The following SH3PXD2A variants were observed in gnomAD, a reference collection of about 807,000 sequenced individuals.
The protein encoded by SH3PXD2A is SH3 and PX domains 2A.
SH3PXD2A carries 32 observed loss-of-function variants against 115.2 expected under a neutral mutation model. The observed-to-expected ratio is 0.28, with a 90% CI of 0.21 to 0.37. The LOEUF (loss-of-function observed/expected upper bound fraction) is 0.37, where lower values mean the gene tolerates loss of function less well. Among genes scored for constraint, SH3PXD2A ranks in the 10% least tolerant of loss-of-function variants. The pLI is 1.00. For synonymous variants in SH3PXD2A, 610 were observed against 629.1 expected (o/e 0.97, Z 0.45); for missense variants, 1,328 against 1,498.7 (o/e 0.89, Z 1.88).
At chr10:103,741,669 C>G (rs1244254296) in intron 3 of SH3PXD2A, among the ~76,000 whole-genome samples, 3 of 152,178 alleles carry the variant, frequency 2.0e-5, no homozygotes, top group Admixed American at 1.3e-4. Flanking sequence ...GGGAGACTTG[C>G]CTAAGAAACA....
chr10:103,806,366 T>C (rs907101279), intron 1 of SH3PXD2A, among the ~76,000 whole-genome samples: 3 of 151,828 alleles, frequency 2.0e-5, no homozygotes, highest in Non-Finnish European at 4.4e-5. Flanking sequence ...AGGCGGGTGA[T>C]GGACACACAA....
rs2038959386 is a variant in SH3PXD2A at position 103,784,209 on chromosome 10, C to T, written c.154-17040G>A. 6.6e-6 allele frequency among the ~76,000 whole-genome samples: 1 copy of T among 152,190 alleles called. No individual in the cohort carries two copies. Among genetic ancestry groups the T allele is most frequent in the Non-Finnish European group, 1.5e-5 (1 of 68,028 alleles). Reference sequence around the variant, plus strand: ...GCTGGGGCACCTGTGTGCAGGCCTGCCCTTTTCCAGGTCCCGCCCTCCCTG... The same window carrying T: ...GCTGGGGCACCTGTGTGCAGGCCTGTCCTTTTCCAGGTCCCGCCCTCCCTG... On this transcript the variant is annotated intron_variant, in intron 2 of 14. Coordinates refer to ENST00000369774, the MANE Select transcript of SH3PXD2A (RefSeq NM_001394015.1). This position sits in a 1 kb window ranked among gnomAD's most constrained non-coding sequence, Gnocchi z 4.4.
At position 103,649,006 on chromosome 10, in the gene SH3PXD2A, A is replaced by G. The variant is rs963311480; in HGVS notation, c.604+11977T>C. On this transcript the variant is annotated intron_variant, in intron 8 of 14. Coordinates refer to ENST00000369774, the MANE Select transcript of SH3PXD2A (RefSeq NM_001394015.1). ...CACGATCCCTGTGATCATCATTACA[A>G]ACCCAAAGACGTTTGTAGCCAGTGA... Among the ~76,000 whole-genome samples the G allele has an allele frequency of 1.1e-4, 16 of 152,308 alleles. No individual in the cohort carries two copies. The South Asian group carries it at 2.5e-3, about 24-fold the overall frequency.
At chr10:103,716,509 A>G (rs1038986103) in intron 5 of SH3PXD2A, among the ~76,000 whole-genome samples, 7 of 152,198 alleles carry the variant, frequency 4.6e-5, no homozygotes, top group Non-Finnish European at 7.3e-5. Context: ...CAATGTCAAG[A>G]ATTTAACCAG....
Position 103,770,543 on chromosome 10 carries a change from G to C in SH3PXD2A, c.154-3374C>G, listed in dbSNP as rs529568695. 1.1e-4 allele frequency among the ~76,000 whole-genome samples: 17 copies of C among 152,268 alleles called. 1 individual carries two copies. The highest frequency in any genetic ancestry group is 1.0e-3 in the South Asian group (5 of 4,812). On this transcript the variant is annotated intron_variant, in intron 2 of 14. Coordinates refer to ENST00000369774, the MANE Select transcript of SH3PXD2A (RefSeq NM_001394015.1). Reference sequence around the variant, plus strand: ...TCAGGACACAGAATTTCAATGTCTGGATATTGCCAGCTACAAGTGCCACAC... The same window carrying C: ...TCAGGACACAGAATTTCAATGTCTGCATATTGCCAGCTACAAGTGCCACAC...
chr10:103,605,178 G>A (rs1163278845), intron 14 of SH3PXD2A, among the ~76,000 whole-genome samples: 1 of 152,176 alleles, frequency 6.6e-6, no homozygotes, highest in African/African-American at 2.4e-5. Context: ...CTTAAAGTTG[G>A]GGGTGGCGGG....
At chr10:103,633,727 C>CAAAAAAAAAAAAAAAAAAA (rs35917262) in intron 8 of SH3PXD2A, among the ~76,000 whole-genome samples, 1 of 74,320 alleles carries the variant, frequency 1.3e-5, no homozygotes, top group African/African-American at 5.2e-5. Flanking sequence ...GATTCTGTCT[C>CAAAAAAAAAAAAAAAAAAA]AAAAAAAAAA....
chr10:103,705,666 C>G (rs912469653), intron 5 of SH3PXD2A, among the ~76,000 whole-genome samples: 2 of 152,180 alleles, frequency 1.3e-5, no homozygotes, highest in East Asian at 3.8e-4. Flanking sequence ...AAATCCTAAC[C>G]ACCACACTGT....
chr10:103,608,430 GAAAAA>G (rs953168200), intron 13 of SH3PXD2A, among the ~76,000 whole-genome samples: 10 of 85,326 alleles, frequency 1.2e-4, no homozygotes, highest in East Asian at 3.1e-4. Context: ...TCCATGTCAA[GAAAAA>G]AAAAAAAAAA....
In SH3PXD2A at chr10:103,699,308, G is replaced by A. The variant is rs115055962; in HGVS notation, c.399-6252C>T. 2.4e-3 allele frequency among the ~76,000 whole-genome samples: 371 copies of A among 152,282 alleles called. 4 individuals are homozygous for A. The highest frequency in any genetic ancestry group is 8.2e-3 in the African/African-American group (341 of 41,546). On this transcript the variant is annotated intron_variant, in intron 5 of 14. Coordinates refer to ENST00000369774, the MANE Select transcript of SH3PXD2A (RefSeq NM_001394015.1). ...ATGGTCCCAATGAGCATTTTAAGAA[G>A]AACAGACTAGAAATGATCAGCGAGT...
intron 13 of SH3PXD2A, among the ~76,000 whole-genome samples, chr10:103,608,150 T>TAAAAAAAAAAAAAAAAAAGTTTAAA (rs1554903068): frequency 2.1e-4 from 7 of 32,640 alleles, no homozygotes; most frequent in East Asian, 3.0e-3. Flanking sequence ...ATGATCAATT[T>TAAAAAAAAAAAAAAAAAAGTTTAAA]AAAAAAAAAA....
intron 8 of SH3PXD2A, among the ~76,000 whole-genome samples, chr10:103,658,396 G>C (rs1211611685): frequency 1.3e-5 from 2 of 152,240 alleles, no homozygotes; most frequent in Non-Finnish European, 2.9e-5. Context: ...CAAGGTCAAA[G>C]GCTTCACAAT....
rs2134068179 is a variant in SH3PXD2A, at chr10:103,665,239, G to C, written c.472+3369C>G. Among the ~76,000 whole-genome samples the C allele has an allele frequency of 6.6e-6, 1 of 152,282 alleles. No homozygotes were observed. ...AGGAGAAAGAAGCCCCAGCTTTGTG[G>C]CCAGAAGATGCCTGGAGGACGAGCA... On this transcript the variant is annotated intron_variant, in intron 7 of 14. Transcript: ENST00000369774. The surrounding 1 kb of genome is among the most constrained non-coding windows in gnomAD (Gnocchi z 4.0).
At chr10:103,732,406 A>G (rs763705046) in intron 4 of SH3PXD2A, among the ~76,000 whole-genome samples, 2 of 152,262 alleles carry the variant, frequency 1.3e-5, no homozygotes, top group Non-Finnish European at 2.9e-5. Context: ...ACCCCTCTTC[A>G]TAGACACCTG....
At chr10:103,850,638 T>C (rs1030572448) in intron 1 of SH3PXD2A, among the ~76,000 whole-genome samples, 1 of 152,178 alleles carries the variant, frequency 6.6e-6, no homozygotes, top group East Asian at 1.9e-4. Context: ...CAGATCCCAA[T>C]GCTCAGCTCC....
chr10:103,707,219 T>TG (rs2037992187), intron 5 of SH3PXD2A, among the ~76,000 whole-genome samples: 1 of 151,306 alleles, frequency 6.6e-6, no homozygotes, highest in African/African-American at 2.4e-5. Flanking sequence ...TTTTTTGAGA[T>TG]GGAGTCTAGC....
rs1378075924 is a variant in SH3PXD2A at position 103,617,255 on chromosome 10, C to T, written c.862G>A (p.Glu288Lys). ...TSQSKDEIGF[E>K]KGVTVEVIRK... The stretch of plus-strand genomic sequence containing the variant: ...ATCACCTCCACTGTGACGCCCTTCT[C>T]AAAGCCAATCTCGTCCTTGCTTTGG... Residue 288 changes from glutamate (E) to lysine (K), a missense_variant, in exon 11 of 15, where the codon GAG (glutamate) becomes AAG (lysine). By Grantham distance (56) the Glu-to-Lys change is moderately conservative. Around this residue, in one of 5 missense-constraint regions of SH3PXD2A, gnomAD observed 509 missense variants for 628.3 expected, o/e 0.81. Transcript: ENST00000369774. 3.1e-6 allele frequency: 5 copies of T among 1,614,116 alleles called. No individual in the cohort carries two copies. Among genetic ancestry groups the T allele is most frequent in the Middle Eastern group, 1.6e-4 (1 of 6,084 alleles).
intron 2 of SH3PXD2A, among the ~76,000 whole-genome samples, chr10:103,771,826 C>T (rs923280114): frequency 6.6e-6 from 1 of 151,980 alleles, no homozygotes; most frequent in Admixed American, 6.6e-5. Context: ...AGCCAGGCTT[C>T]ACAACCTTCA....
At chr10:103,839,605 C>T (rs1423737473) in intron 1 of SH3PXD2A, among the ~76,000 whole-genome samples, 1 of 150,878 alleles carries the variant, frequency 6.6e-6, no homozygotes, top group African/African-American at 2.4e-5. Context: ...GCCCACACAG[C>T]CCCACCCCCA....
Sources: allele counts gnomAD v4.1 joint callset (sites outside exome capture counted in the v4.1 genomes callset), GRCh38; gene constraint gnomAD v4.1.1; regional missense constraint gnomAD v4.1.1; non-coding constraint Gnocchi (gnomAD v3.1); transcripts MANE v1.5; gene names NCBI Gene and HGNC (gene_info 2026-07-23, HGNC 2026-07-21).